The following WFDC1 variants were observed in gnomAD, a reference collection of about 807,000 sequenced individuals.
WFDC1 encodes the protein WAP four-disulfide core domain protein 1.
A neutral mutation model predicts 32.9 loss-of-function variants in WFDC1; 39 were observed. The observed-to-expected ratio is 1.19, with a 90% confidence interval of 0.92 to 1.55. The LOEUF is 1.55. WFDC1 is among the 40% of genes most tolerant of loss of function. The probability of loss-of-function intolerance (pLI) is 0.00; values close to 1 mark genes in which losing one functional copy is unlikely to be tolerated. For missense variants in WFDC1, 386 were observed against 309.5 expected (o/e 1.25, Z -1.85); for synonymous variants, 184 against 137.4 (o/e 1.34, Z -2.37).
chr16:84,310,424 C>A (rs867850155), intron 1 of WFDC1, among the ~76,000 whole-genome samples: 22 of 152,158 alleles, frequency 1.4e-4, no homozygotes, highest in Admixed American at 6.5e-5. Flanking sequence ...TTCTGTGAGT[C>A]AAGTCTAGAT....
At chr16:84,318,452 C>A in intron 3 of WFDC1, 97 bp downstream of exon 3, 1 of 1,148,804 alleles carries the variant, frequency 8.7e-7, no homozygotes, top group Non-Finnish European at 1.3e-6. Context: ...GGCTGTCCCC[C>A]ATGCACGGGC....
At chr16:84,311,384 A>ATT (rs747950638) in intron 1 of WFDC1, among the ~76,000 whole-genome samples, 2 of 118,346 alleles carry the variant, frequency 1.7e-5, no homozygotes, top group Non-Finnish European at 3.5e-5. Flanking sequence ...CGCCCGGCTA[A>ATT]TTTTTTTTCT....
chr16:84,313,543 A>G (rs1176568527), intron 2 of WFDC1, among the ~76,000 whole-genome samples: 1 of 152,116 alleles, frequency 6.6e-6, no homozygotes, highest in East Asian at 1.9e-4. Context: ...TCAAGATTCG[A>G]GGCTTTTCTT....
chr16:84,312,664 C>G (rs1907701138), intron 1 of WFDC1, among the ~76,000 whole-genome samples: 1 of 152,066 alleles, frequency 6.6e-6, no homozygotes, highest in African/African-American at 2.4e-5. Context: ...TGTATCATCT[C>G]TCTCTCACAC....
chr16:84,309,803 C>T (rs1475384346), intron 1 of WFDC1, among the ~76,000 whole-genome samples: 2 of 152,106 alleles, frequency 1.3e-5, no homozygotes, highest in Non-Finnish European at 2.9e-5. Flanking sequence ...TCCCTCTTCA[C>T]ATGACTTTCT....
chr16:84,298,177 G>A (rs545596362), intron 1 of WFDC1, among the ~76,000 whole-genome samples: 18 of 151,906 alleles, frequency 1.2e-4, no homozygotes, highest in Non-Finnish European at 2.5e-4. Context: ...GTGTGATCTT[G>A]GTTCACTACA....
At chr16:84,302,130 A>G (rs954773581) in intron 1 of WFDC1, among the ~76,000 whole-genome samples, 3 of 152,122 alleles carry the variant, frequency 2.0e-5, no homozygotes, top group African/African-American at 7.2e-5. Context: ...GGTGTGTGAC[A>G]CTGTTTGGAT....
intron 3 of WFDC1, chr16:84,318,634 G>T (rs897541155): frequency 2.8e-6 from 1 of 351,502 alleles, no homozygotes; most frequent in Non-Finnish European, 5.5e-6. Flanking sequence ...CTTAGGGTTG[G>T]TTTTCAAATT....
intron 1 of WFDC1, among the ~76,000 whole-genome samples, chr16:84,300,844 C>G (rs1906891584): frequency 6.6e-6 from 1 of 152,120 alleles, no homozygotes; most frequent in Non-Finnish European, 1.5e-5. Context: ...GTGGTGCATG[C>G]CTGTAATCAC....
chr16:84,319,412 G>A lies in WFDC1; in HGVS notation c.422-19G>A, dbSNP rs1485729759. On this transcript the variant is annotated intron_variant, in intron 3 of 6. Coordinates refer to ENST00000219454, the MANE Select transcript of WFDC1 (RefSeq NM_021197.4). Reference sequence around the variant, plus strand: ...CTGGGAGTCGGCCTTCTAGACCCCAGCGTGTGTCCCTCCTGCAGCAGAGGC... The same window carrying A: ...CTGGGAGTCGGCCTTCTAGACCCCAACGTGTGTCCCTCCTGCAGCAGAGGC... 6.2e-6 allele frequency: 10 copies of A among 1,606,672 alleles called. No individual in the cohort carries two copies. The highest frequency in any genetic ancestry group is 1.1e-5 in the South Asian group (1 of 91,048).
chr16:84,313,210 T>A, intron 2 of WFDC1, 57 bp downstream of exon 2: 1 of 1,333,786 alleles, frequency 7.5e-7, no homozygotes, highest in South Asian at 1.9e-5. Context: ...AACAGAGCTG[T>A]CCCGGGGGAG....
chr16:84,311,370 A>G (rs1263857071), intron 1 of WFDC1, among the ~76,000 whole-genome samples: 21 of 139,418 alleles, frequency 1.5e-4, no homozygotes, highest in Non-Finnish European at 3.2e-4. Context: ...GGTGCTCGCC[A>G]CCACGCCCGG....
chr16:84,305,891 T>C (rs1907220352), intron 1 of WFDC1, among the ~76,000 whole-genome samples: 1 of 151,940 alleles, frequency 6.6e-6, no homozygotes, highest in Admixed American at 6.6e-5. Context: ...TAGTCCCAGC[T>C]ACTTGGGAGG....
intron 1 of WFDC1, among the ~76,000 whole-genome samples, chr16:84,297,308 G>A (rs1285289455): frequency 2.0e-5 from 3 of 152,140 alleles, no homozygotes; most frequent in Non-Finnish European, 4.4e-5. Context: ...CCTAGACATA[G>A]GTGAGGTTTA....
intron 1 of WFDC1, among the ~76,000 whole-genome samples, chr16:84,306,884 A>T (rs1440322809): frequency 6.6e-6 from 1 of 152,228 alleles, no homozygotes; most frequent in Non-Finnish European, 1.5e-5. Context: ...AACAAAACCA[A>T]GTTCCTGTCC....
At chr16:84,309,699 C>CCT (rs1169453951) in intron 1 of WFDC1, among the ~76,000 whole-genome samples, 1 of 152,026 alleles carries the variant, frequency 6.6e-6, no homozygotes, top group African/African-American at 2.4e-5. Flanking sequence ...GAGCCGCGCC[C>CCT]CCCCAACTCC....
chr16:84,307,736 CA>C (rs1907349691), intron 1 of WFDC1, among the ~76,000 whole-genome samples: 2 of 152,284 alleles, frequency 1.3e-5, no homozygotes, highest in Admixed American at 1.3e-4. Flanking sequence ...TATTCTTAAC[CA>C]CCCTCCGAAG....
chr16:84,307,927 GGGTGATAAAA>G lies in WFDC1; in HGVS notation c.145-5020_145-5011del, dbSNP rs537578026. Among the ~76,000 whole-genome samples the G allele has an allele frequency of 2.6e-3, 402 of 152,232 alleles. 4 individuals are homozygous for G. Among genetic ancestry groups the G allele is most frequent in the African/African-American group, 9.2e-3 (382 of 41,532 alleles). On this transcript the variant is annotated intron_variant, in intron 1 of 6. Coordinates refer to ENST00000219454, the MANE Select transcript of WFDC1 (RefSeq NM_021197.4). ...GGTGAGGGAGATTGGGCGGAGAAAG[GGGTGATAAAA>G]GGTGATAAAAGGTCCACGCTCTGGT... is the stretch of plus-strand genomic sequence containing the variant.
chr16:84,313,088 G>A lies in WFDC1; in HGVS notation c.272G>A (p.Arg91Gln), dbSNP rs1907739762. Residue 91 changes from arginine (R) to glutamine (Q), a missense_variant, in exon 2 of 7, where the codon CGG becomes CAG. By Grantham distance (43) the Arg-to-Gln change is conservative (BLOSUM62 1). Coordinates refer to ENST00000219454, the MANE Select transcript of WFDC1 (RefSeq NM_021197.4). ...TGTCAGGCGGACTCCGAGTGCCCGCGGCACCGGCGCTGCTGCTACAACGGA... is the reference window on the plus strand; with the variant it reads ...TGTCAGGCGGACTCCGAGTGCCCGCAGCACCGGCGCTGCTGCTACAACGGA... Reference protein sequence around the residue: ...ARCQADSECPRHRRCCYNGCA... With the variant: ...ARCQADSECPQHRRCCYNGCA... The A allele has an allele frequency of 1.4e-6, 2 of 1,426,598 alleles. No homozygotes were observed. Among genetic ancestry groups the A allele is most frequent in the East Asian group, 3.0e-5 (1 of 32,856 alleles). The allele number at this position is 1,426,598 out of a possible 1,614,324, so 88.4% of individuals were successfully genotyped here.
Sources: allele counts gnomAD v4.1 joint callset (sites outside exome capture counted in the v4.1 genomes callset), GRCh38; gene constraint gnomAD v4.1.1; transcripts MANE v1.5; gene names NCBI Gene and HGNC (gene_info 2026-07-23, HGNC 2026-07-21).